Variants in ANKRD33B observed in about 807,000 individuals in gnomAD.
ANKRD33B encodes the protein ankyrin repeat domain 33B.
A neutral mutation model predicts 21.5 loss-of-function variants in ANKRD33B; 6 were observed. That is an observed-to-expected ratio of 0.28 (90% CI 0.15 to 0.55). The LOEUF is 0.55. Among genes scored for constraint, ANKRD33B ranks in the 20% least tolerant of loss-of-function variants. The probability of loss-of-function intolerance (pLI) is 0.94; values close to 1 mark genes in which losing one functional copy is unlikely to be tolerated. For synonymous variants in ANKRD33B, 347 were observed against 342.4 expected, an observed-to-expected ratio of 1.01 and a Z score of -0.15; for missense variants, 698 against 747.2, an observed-to-expected ratio of 0.93 and a Z score of 0.77.
intron 3 of ANKRD33B, among the ~76,000 whole-genome samples, chr5:10,647,214 C>T (rs546645995): frequency 1.3e-5 from 2 of 152,070 alleles, no homozygotes; most frequent in East Asian, 3.9e-4. Flanking sequence ...AAGCGATTCT[C>T]CTGCCTCAGC....
chr5:10,594,321 G>A (rs777031265), intron 1 of ANKRD33B, among the ~76,000 whole-genome samples: 30 of 146,288 alleles, frequency 2.1e-4, no homozygotes, highest in African/African-American at 6.6e-4. Flanking sequence ...GGGTTCAAGC[G>A]ATTCTCCTGC....
chr5:10,618,225 G>C lies in ANKRD33B; in HGVS notation c.367-108G>C, dbSNP rs1003054806. 1.3e-5 allele frequency: 18 copies of C among 1,431,266 alleles called. 1 individual carries two copies. The Middle Eastern group carries it at 2.0e-3, about 158-fold the overall frequency. 88.7% of individuals were successfully genotyped at this position (1,431,266 alleles called of 1,614,324 possible). On this transcript the variant is annotated intron_variant, in intron 1 of 3. Coordinates refer to ENST00000296657, the MANE Select transcript of ANKRD33B (RefSeq NM_001164440.2). ...ATTGGGACTCCAGGTCCCTGTCATTGCCTTGTCCAGCCCCCTGGAGGGTAG... is the reference window on the plus strand; with the variant it reads ...ATTGGGACTCCAGGTCCCTGTCATTCCCTTGTCCAGCCCCCTGGAGGGTAG...
intron 2 of ANKRD33B, among the ~76,000 whole-genome samples, chr5:10,631,860 A>G (rs73741419): frequency 0.23 from 34,866 of 152,152 alleles, 4,117 homozygotes; most frequent in Middle Eastern, 0.34. Context: ...GACGCACTCC[A>G]AAGCCATGGC....
chr5:10,604,936 C>T (rs1004119893), intron 1 of ANKRD33B, among the ~76,000 whole-genome samples: 4 of 152,094 alleles, frequency 2.6e-5, no homozygotes, highest in African/African-American at 4.8e-5. Flanking sequence ...GTCTATGGCT[C>T]GGGAATGTGG....
intron 2 of ANKRD33B, among the ~76,000 whole-genome samples, chr5:10,630,284 TCTGCTG>T (rs1736676221): frequency 6.6e-6 from 1 of 152,218 alleles, no homozygotes; most frequent in African/African-American, 2.4e-5. Flanking sequence ...CTGGGGCAGC[TCTGCTG>T]CATGCATTAC....
chr5:10,595,556 G>C (rs529028181), intron 1 of ANKRD33B, among the ~76,000 whole-genome samples: 1 of 152,320 alleles, frequency 6.6e-6, no homozygotes, highest in Non-Finnish European at 1.5e-5. Flanking sequence ...AGCGACCGGG[G>C]TTAGGATGTG....
intron 2 of ANKRD33B, among the ~76,000 whole-genome samples, chr5:10,633,294 G>T (rs984049136): frequency 2.0e-5 from 3 of 152,022 alleles, no homozygotes; most frequent in Non-Finnish European, 4.4e-5. Context: ...TAGAGATGGG[G>T]TTTCACCATG....
rs1057474445 is a variant in ANKRD33B at position 10,638,033 on chromosome 5, G to A, written c.502G>A (p.Ala168Thr). The change falls in exon 3 of 4, where the codon GCT (alanine) becomes ACT (threonine). Residue 168 changes from alanine to threonine, a missense_variant. This residue lies in a region of ANKRD33B where 543 missense variants were observed against 566.5 expected (regional missense o/e 0.96). Transcript: ENST00000296657. ...ALITAAQAGH[A>T]IITNYLLNYF... ...GTGTACACTTCTCTTTACAGGGCAC[G>A]CTATCATCACTAACTACTTGTTGAA... 8 of 1,537,544 alleles carry A rather than the reference G, an allele frequency of 5.2e-6. No homozygotes were observed. The highest frequency in any genetic ancestry group is 2.4e-5 in the South Asian group (2 of 84,052).
chr5:10,622,802 T>TTTTTTTTTTTTTTTTTTTG (rs1736450751), intron 2 of ANKRD33B, among the ~76,000 whole-genome samples: 1 of 144,194 alleles, frequency 6.9e-6, no homozygotes, highest in African/African-American at 2.6e-5. Context: ...TGCTTTATTT[T>TTTTTTTTTTTTTTTTTTTG]ATTTTATTTT....
chr5:10,605,178 C>T (rs1186108328), intron 1 of ANKRD33B, among the ~76,000 whole-genome samples: 1 of 152,232 alleles, frequency 6.6e-6, no homozygotes, highest in Non-Finnish European at 1.5e-5. Context: ...GGCCGGCTTC[C>T]TCAGGAGCCT....
rs1212330178 is a variant in ANKRD33B at position 10,649,995 on chromosome 5, C to T, written c.1367C>T (p.Pro456Leu). ...AAGGACAGCGGCCACCTGCAGATCCCCAAGTGGCGGTACAAGGAGGCCAAG... is the reference window on the plus strand; with the variant it reads ...AAGGACAGCGGCCACCTGCAGATCCTCAAGTGGCGGTACAAGGAGGCCAAG... Reference protein sequence around the residue: ...STKDSGHLQIPKWRYKEAKEE... With the variant: ...STKDSGHLQILKWRYKEAKEE... The change falls in exon 4 of 4, where the codon CCC becomes CTC. Residue 456 changes from proline (P) to leucine (L), a missense_variant. Around this residue, in one of 3 missense-constraint regions of ANKRD33B, gnomAD observed 543 missense variants for 566.5 expected, o/e 0.96. Transcript: ENST00000296657. 2 of 1,533,530 alleles carry T rather than the reference C, an allele frequency of 1.3e-6. No homozygotes were observed. The highest frequency in any genetic ancestry group is 1.7e-6 in the Non-Finnish European group (2 of 1,144,920). The allele number at this position is 1,533,530 out of a possible 1,614,324, so 95.0% of individuals were successfully genotyped here. A position where few individuals can be genotyped will look rare whatever the true frequency, so the allele number is the denominator to read the frequency against.
chr5:10,573,695 A>G (rs945861202), intron 1 of ANKRD33B, among the ~76,000 whole-genome samples: 1 of 152,184 alleles, frequency 6.6e-6, no homozygotes, highest in African/African-American at 2.4e-5. Flanking sequence ...ACATGGCGGC[A>G]TGAGAGAGTG....
intron 1 of ANKRD33B, among the ~76,000 whole-genome samples, chr5:10,569,473 G>A (rs1404122877): frequency 1.3e-5 from 2 of 152,132 alleles, no homozygotes; most frequent in Non-Finnish European, 2.9e-5. Context: ...GTGGACGCCT[G>A]TAGTCCCAGC....
At chr5:10,605,042 A>G (rs1282540317) in intron 1 of ANKRD33B, among the ~76,000 whole-genome samples, 1 of 152,220 alleles carries the variant, frequency 6.6e-6, no homozygotes, top group Non-Finnish European at 1.5e-5. Flanking sequence ...CTGAGGCCAC[A>G]GGGTCCTCTT....
In ANKRD33B at chr5:10,638,094, C is replaced by A. The variant is rs1423198324; in HGVS notation, c.563C>A (p.Ala188Glu). 3.3e-6 allele frequency: 5 copies of A among 1,537,512 alleles called. No individual in the cohort carries two copies. ...FPGLDLERRN[A>E]FGFTALMKAA... ...GGTCTTGACCTTGAAAGGAGGAACGCGTTCGGGTTCACCGCCCTGATGAAA... is the reference window on the plus strand; with the variant it reads ...GGTCTTGACCTTGAAAGGAGGAACGAGTTCGGGTTCACCGCCCTGATGAAA... The change falls in exon 3 of 4, where the codon GCG (alanine) becomes GAG (glutamate). Residue 188 changes from alanine to glutamate, a missense_variant. Ala to Glu is a moderately radical substitution (Grantham distance 107). Around this residue, in one of 3 missense-constraint regions of ANKRD33B, gnomAD observed 543 missense variants for 566.5 expected, o/e 0.96. Coordinates refer to ENST00000296657, the MANE Select transcript of ANKRD33B (RefSeq NM_001164440.2).
chr5:10,575,517 T>C (rs1327946639), intron 1 of ANKRD33B, among the ~76,000 whole-genome samples: 3 of 152,186 alleles, frequency 2.0e-5, no homozygotes, highest in Non-Finnish European at 4.4e-5. Flanking sequence ...ACCAGTTTTC[T>C]GTCCTTTAGA....
Position 10,650,446 on chromosome 5 carries a change from T to C in ANKRD33B, c.*333T>C, listed in dbSNP as rs1023521292. The C allele has an allele frequency of 5.5e-6, 1 of 180,704 alleles. No individual in the cohort carries two copies. Among genetic ancestry groups the C allele is most frequent in the African/African-American group, 2.4e-5 (1 of 42,504 alleles). The allele number at this position is 180,704 out of a possible 1,614,324, so 11.2% of individuals were successfully genotyped here. A position where few individuals can be genotyped will look rare whatever the true frequency, so the allele number is the denominator to read the frequency against. ...TCCGTAATTTTGTATTTTTAATCATTATTTATCAAATTTGCAACGTTTTAC... is the reference window on the plus strand; with the variant it reads ...TCCGTAATTTTGTATTTTTAATCATCATTTATCAAATTTGCAACGTTTTAC... On this transcript the variant is annotated 3_prime_UTR_variant, in exon 4 of 4. Coordinates refer to ENST00000296657, the MANE Select transcript of ANKRD33B (RefSeq NM_001164440.2).
rs1349232048 is a variant in ANKRD33B at position 10,638,151 on chromosome 5, G to A, written c.620G>A (p.Arg207Gln). 2 of 1,537,292 alleles carry A rather than the reference G, an allele frequency of 1.3e-6. No homozygotes were observed. Among genetic ancestry groups the A allele is most frequent in the Non-Finnish European group, 1.7e-6 (2 of 1,146,924 alleles). ...ATGCAGGGTCGAACGGACTGCATCC[G>A]AGCCCTGATGCTAGCAGGTATGTCC... is the stretch of plus-strand genomic sequence containing the variant. ...AAMQGRTDCI[R>Q]ALMLAGADVH... The change falls in exon 3 of 4, where the codon CGA becomes CAA. Residue 207 changes from arginine (R) to glutamine (Q), a missense_variant. Arg to Gln is a conservative substitution (Grantham distance 43, BLOSUM62 1). Around this residue, in one of 3 missense-constraint regions of ANKRD33B, gnomAD observed 543 missense variants for 566.5 expected, o/e 0.96. Transcript: ENST00000296657.
intron 1 of ANKRD33B, among the ~76,000 whole-genome samples, chr5:10,571,504 TTGAG>T (rs1279343588): frequency 2.0e-5 from 3 of 152,138 alleles, no homozygotes; most frequent in Admixed American, 6.5e-5. Flanking sequence ...CCCTGGCCTC[TTGAG>T]TATTTATTTG....
Sources: allele counts gnomAD v4.1 joint callset (sites outside exome capture counted in the v4.1 genomes callset), GRCh38; gene constraint gnomAD v4.1.1; regional missense constraint gnomAD v4.1.1; transcripts MANE v1.5; gene names NCBI Gene and HGNC (gene_info 2026-07-23, HGNC 2026-07-21).